The following ATP2B1 variants were observed in gnomAD, a reference collection of about 807,000 sequenced individuals.
The protein encoded by ATP2B1 is ATPase plasma membrane Ca2+ transporting 1, also known as plasma membrane calcium-transporting ATPase 1.
ATP2B1 carries 14 observed loss-of-function variants against 124.2 expected under a neutral mutation model. That is an observed-to-expected ratio of 0.11 (90% confidence interval 0.07 to 0.18). The LOEUF is 0.18. ATP2B1 is among the 10% of genes least tolerant of loss of function. ATP2B1 has a pLI of 1.00. For missense variants in ATP2B1, 763 were observed against 1,466.1 expected (o/e 0.52, Z 7.83); for synonymous variants, 449 against 492.4 (o/e 0.91, Z 1.17).
chr12:89,704,554 TA>T (rs2136899885), intron 1 of ATP2B1, among the ~76,000 whole-genome samples: 1 of 152,038 alleles, frequency 6.6e-6, no homozygotes, highest in Admixed American at 6.5e-5. Context: ...CAGTTTGGGC[TA>T]AAAAAGCTGC....
intron 3 of ATP2B1, 30 bp from the exon 4 acceptor site, chr12:89,635,281 A>G (rs1403930521): frequency 1.3e-6 from 2 of 1,598,084 alleles, no homozygotes; most frequent in East Asian, 2.2e-5. Flanking sequence ...ATGCTTATCA[A>G]AAAGATTCTG....
intron 1 of ATP2B1, among the ~76,000 whole-genome samples, chr12:89,701,144 C>T (rs1389823756): frequency 6.6e-6 from 1 of 152,134 alleles, no homozygotes; most frequent in Non-Finnish European, 1.5e-5. Context: ...CTTCCTGATG[C>T]CTAGTGATTC....
chr12:89,611,219 T>C lies in ATP2B1; in HGVS notation c.2221A>G (p.Arg741Gly). 1 of 1,591,122 alleles carries C rather than the reference T, an allele frequency of 6.3e-7. No individual in the cohort carries two copies. The change falls in exon 13 of 21, where the codon AGA becomes GGA. Residue 741 changes from arginine to glycine, a missense_variant. By Grantham distance (125) the Arg-to-Gly change is moderately radical (BLOSUM62 -2). Coordinates refer to ENST00000428670, the MANE Select transcript of ATP2B1 (RefSeq NM_001366521.1). ...TCTCCTTTTTCATTTCGTATTCTTCTGTTAAAATCTTTACCTTCTAGGCAC... is the reference window on the plus strand; with the variant it reads ...TCTCCTTTTTCATTTCGTATTCTTCCGTTAAAATCTTTACCTTCTAGGCAC... ...FLCLEGKDFN[R>G]RIRNEKGEIE...
chr12:89,695,817 C>T (rs930141478), intron 1 of ATP2B1, among the ~76,000 whole-genome samples: 2 of 152,036 alleles, frequency 1.3e-5, no homozygotes, highest in African/African-American at 4.8e-5. Context: ...TCTTGTTTCA[C>T]AAAAAATTAA....
chr12:89,638,689 A>G (rs998861265), intron 3 of ATP2B1, among the ~76,000 whole-genome samples: 4 of 152,184 alleles, frequency 2.6e-5, no homozygotes. Context: ...TTATTTAAAA[A>G]TGCACTGATA....
intron 1 of ATP2B1, among the ~76,000 whole-genome samples, chr12:89,683,602 GC>G (rs1317437475): frequency 6.6e-6 from 1 of 152,160 alleles, no homozygotes; most frequent in Non-Finnish European, 1.5e-5. Context: ...ATTCTATCCA[GC>G]CCCCGGTCAT....
At chr12:89,704,486 T>A (rs989737532) in intron 1 of ATP2B1, among the ~76,000 whole-genome samples, 1 of 152,058 alleles carries the variant, frequency 6.6e-6, no homozygotes, top group African/African-American at 2.4e-5. Flanking sequence ...TTCATAAACT[T>A]ACATAAACGT....
chr12:89,703,414 TCTA>T (rs1892085233), intron 1 of ATP2B1, among the ~76,000 whole-genome samples: 1 of 152,210 alleles, frequency 6.6e-6, no homozygotes, highest in Non-Finnish European at 1.5e-5. Flanking sequence ...TCTTGGAAGA[TCTA>T]CTTGCTGTTT....
intron 6 of ATP2B1, among the ~76,000 whole-genome samples, chr12:89,629,476 G>GA (rs1190105135): frequency 6.6e-6 from 1 of 151,898 alleles, no homozygotes; most frequent in African/African-American, 2.4e-5. Flanking sequence ...GGAGGACATA[G>GA]AAAAAAAACC....
chr12:89,635,788 A>C (rs532034987), intron 3 of ATP2B1, among the ~76,000 whole-genome samples: 2 of 152,312 alleles, frequency 1.3e-5, no homozygotes, highest in East Asian at 3.9e-4. Context: ...AATGTGATTA[A>C]AACTTGGCTT....
chr12:89,641,205 A>G (rs1883446719), intron 3 of ATP2B1, among the ~76,000 whole-genome samples: 1 of 152,212 alleles, frequency 6.6e-6, no homozygotes, highest in Non-Finnish European at 1.5e-5. Flanking sequence ...ATTAATTTTA[A>G]ACAAATTTTT....
chr12:89,605,363 C>A (rs1277138931), intron 15 of ATP2B1, among the ~76,000 whole-genome samples: 4 of 152,050 alleles, frequency 2.6e-5, no homozygotes, highest in Non-Finnish European at 2.9e-5. Flanking sequence ...AAGGCTCTGC[C>A]CTCATGTATG....
At chr12:89,642,780 T>A (rs1268789973) in intron 2 of ATP2B1, among the ~76,000 whole-genome samples, 2 of 152,082 alleles carry the variant, frequency 1.3e-5, no homozygotes, top group Non-Finnish European at 2.9e-5. Context: ...AATTTTTGTA[T>A]CTTTAGTAGT....
intron 13 of ATP2B1, among the ~76,000 whole-genome samples, 170 bp downstream of exon 13, chr12:89,611,023 T>C (rs1009468199): frequency 6.6e-6 from 1 of 152,204 alleles, no homozygotes; most frequent in Non-Finnish European, 1.5e-5. Flanking sequence ...AATTTATTAC[T>C]TCTCTCTTTT....
At position 89,591,119 on chromosome 12, in the gene ATP2B1, G is replaced by A; in HGVS notation, c.3528C>T (p.Asn1176=). The A allele has an allele frequency of 1.2e-6, 2 of 1,613,240 alleles. No homozygotes were observed. Among genetic ancestry groups the A allele is most frequent in the Non-Finnish European group, 8.5e-7 (1 of 1,179,376 alleles). ...TGTTGGGAGAGGGTGGAGGACTGGA[G>A]TTACGTTTTGTAGGAGCATCATCTT... The part of the protein sequence containing the change: ...DAEDDAPTKR[N]SSPPPSPNKN... The change falls in exon 21 of 21, where the codon AAC becomes AAT. Residue 1176 remains asparagine, a synonymous_variant. Coordinates refer to ENST00000428670, the MANE Select transcript of ATP2B1 (RefSeq NM_001366521.1).
rs374851295 is a variant in ATP2B1 at position 89,642,246 on chromosome 12, T to C, written c.318A>G (p.Leu106=). The change falls in exon 3 of 21, where the codon TTA becomes TTG. Residue 106 remains leucine, a synonymous_variant. Coordinates refer to ENST00000428670, the MANE Select transcript of ATP2B1 (RefSeq NM_001366521.1). ...KTFLQLVWEA[L]QDVTLIILEI... ...CTAATATAATTAAAGTGACATCTTG[T>C]AATGCTTCCCATACTAATTGAAGAA... 1.1e-4 allele frequency: 184 copies of C among 1,613,568 alleles called. No individual in the cohort carries two copies. Among genetic ancestry groups the C allele is most frequent in the Non-Finnish European group, 1.5e-4 (176 of 1,179,730 alleles).
intron 1 of ATP2B1, among the ~76,000 whole-genome samples, chr12:89,705,516 CAAT>C: frequency 6.6e-6 from 1 of 152,140 alleles, no homozygotes; most frequent in Admixed American, 6.5e-5. Flanking sequence ...TTATTTTGTT[CAAT>C]ATTACAGAAG....
intron 1 of ATP2B1, among the ~76,000 whole-genome samples, chr12:89,699,290 T>C (rs1175372100): frequency 6.6e-6 from 1 of 152,254 alleles, no homozygotes; most frequent in East Asian, 1.9e-4. Context: ...TTTTAGTATA[T>C]GTTTGGCAAG....
chr12:89,693,655 T>C (rs1890796172), intron 1 of ATP2B1, among the ~76,000 whole-genome samples: 1 of 152,244 alleles, frequency 6.6e-6, no homozygotes, highest in African/African-American at 2.4e-5. Flanking sequence ...TTAGTTCCTA[T>C]GATACTTGTG....
Sources: gnomAD v4.1 joint callset for allele counts (sites outside exome capture counted in the v4.1 genomes callset) on GRCh38, gnomAD v4.1.1 for gene constraint, MANE v1.5 for transcripts, NCBI Gene and HGNC (gene_info 2026-07-23, HGNC 2026-07-21) for gene names.